MAP4: variants seen among roughly 807,000 people sequenced by gnomAD.
MAP4 encodes microtubule-associated protein 4.
Under a neutral mutation model 170.2 loss-of-function variants are expected in MAP4, and 76 were observed. The ratio of observed to expected loss-of-function variants is 0.45; its 90% CI spans 0.37 to 0.54. The LOEUF (loss-of-function observed/expected upper bound fraction) is 0.54, where lower values mean the gene tolerates loss of function less well. Ranked by LOEUF, MAP4 falls within the 20% of genes least tolerant of loss-of-function variation. The pLI is 0.00. For missense variants in MAP4, 2,506 were observed against 2,748.0 expected, an observed-to-expected ratio of 0.91 and a Z score of 1.97; for synonymous variants, 909 against 994.5, an observed-to-expected ratio of 0.91 and a Z score of 1.62.
chr3:48,001,671 T>G (rs1177285159), intron 1 of MAP4, among the ~76,000 whole-genome samples: 3 of 151,908 alleles, frequency 2.0e-5, no homozygotes, highest in African/African-American at 7.3e-5. Context: ...AGCTAATTTT[T>G]GCATTTTTAG....
At chr3:47,932,025 ACTAT>A (rs1442765735) in intron 3 of MAP4, 3 of 152,150 alleles carry the variant, frequency 2.0e-5, no homozygotes, top group Non-Finnish European at 2.9e-5. Flanking sequence ...AACCATCACC[ACTAT>A]CTAACTTCAG....
At chr3:48,029,148 A>G (rs2100114630) in intron 1 of MAP4, among the ~76,000 whole-genome samples, 2 of 151,548 alleles carry the variant, frequency 1.3e-5, no homozygotes, top group African/African-American at 4.9e-5. Flanking sequence ...CTGTCTCAAA[A>G]TTAAATAAGC....
At chr3:47,913,627 A>G (rs2100037076) in intron 8 of MAP4, among the ~76,000 whole-genome samples, 1 of 152,172 alleles carries the variant, frequency 6.6e-6, no homozygotes, top group South Asian at 2.1e-4. Flanking sequence ...ATGCCTTAAC[A>G]TGGTGTATTT....
intron 1 of MAP4, among the ~76,000 whole-genome samples, chr3:48,047,667 G>C (rs762567888): frequency 6.6e-6 from 1 of 152,198 alleles, no homozygotes; most frequent in Non-Finnish European, 1.5e-5. Context: ...CTGTCAAGTA[G>C]ACACAATTAC....
At chr3:47,977,708 T>C (rs543432255) in intron 3 of MAP4, among the ~76,000 whole-genome samples, 157 bp downstream of exon 3, 1 of 152,242 alleles carries the variant, frequency 6.6e-6, no homozygotes, top group Non-Finnish European at 1.5e-5. Flanking sequence ...AGATTTTACA[T>C]GGCAATGTCC....
chr3:47,998,417 C>T (rs1261159842), intron 2 of MAP4, among the ~76,000 whole-genome samples: 1 of 152,116 alleles, frequency 6.6e-6, no homozygotes, highest in East Asian at 1.9e-4. Flanking sequence ...GTTGTTGAAA[C>T]ATTAGAGAAG....
At chr3:48,025,606 T>C (rs2100112651) in intron 1 of MAP4, among the ~76,000 whole-genome samples, 1 of 151,798 alleles carries the variant, frequency 6.6e-6, no homozygotes. Context: ...GAAGAAATAA[T>C]ATGCTGACTT....
intron 3 of MAP4, among the ~76,000 whole-genome samples, chr3:47,955,462 AC>A (rs1205595252): frequency 2.9e-4 from 44 of 151,760 alleles, no homozygotes; most frequent in Non-Finnish European, 4.3e-4. Context: ...ACACACACAC[AC>A]ACACACACAC....
intron 2 of MAP4, among the ~76,000 whole-genome samples, chr3:47,998,238 T>A (rs995524240): frequency 2.6e-5 from 4 of 152,194 alleles, no homozygotes; most frequent in African/African-American, 9.6e-5. Flanking sequence ...GCTTTAATTA[T>A]GCTTTAATCC....
At chr3:48,038,176 G>GAA (rs397786308) in intron 1 of MAP4, among the ~76,000 whole-genome samples, 86 of 118,864 alleles carry the variant, frequency 7.2e-4, no homozygotes, top group African/African-American at 2.5e-3. Flanking sequence ...TCCAAAAAAA[G>GAA]AAAAAAAAAA....
chr3:47,897,471 T>C (rs1433049202), intron 10 of MAP4, among the ~76,000 whole-genome samples: 1 of 152,178 alleles, frequency 6.6e-6, no homozygotes, highest in Non-Finnish European at 1.5e-5. Context: ...AACTTTAATT[T>C]GGAATTATAA....
intron 2 of MAP4, among the ~76,000 whole-genome samples, chr3:47,978,666 C>T (rs1288340525): frequency 6.6e-6 from 1 of 151,738 alleles, no homozygotes; most frequent in Non-Finnish European, 1.5e-5. Context: ...ATCCAGGGTA[C>T]CATCATTGCT....
chr3:47,853,256 TG>T lies in MAP4; in HGVS notation c.6792del (p.Thr2265LeufsTer80). On this transcript the variant is annotated frameshift_variant, in exon 20 of 21. Transcript: ENST00000683076. LOFTEE classifies it high-confidence loss of function. The part of the protein sequence containing the change: ...ISEAAPEAGA[P>X]TSASGLNGHP... Reference sequence around the variant, plus strand: ...TGGCCATTGAGGCCACTGGCTGAAGTGGGGGCGCCAGCTTCAGGCGCTGCCT... The same window carrying T: ...TGGCCATTGAGGCCACTGGCTGAAGTGGGGCGCCAGCTTCAGGCGCTGCCT... 6.3e-7 allele frequency: 1 copy of T among 1,593,132 alleles called. No individual in the cohort carries two copies. Among genetic ancestry groups the T allele is most frequent in the Non-Finnish European group, 8.6e-7 (1 of 1,168,474 alleles).
chr3:47,961,388 A>G (rs2100071482), intron 3 of MAP4, among the ~76,000 whole-genome samples: 1 of 152,184 alleles, frequency 6.6e-6, no homozygotes, highest in Admixed American at 6.5e-5. Flanking sequence ...TACAATGACT[A>G]TGGGGCTGAG....
intron 10 of MAP4, among the ~76,000 whole-genome samples, chr3:47,885,222 T>C (rs984992314): frequency 2.0e-5 from 3 of 152,138 alleles, no homozygotes; most frequent in Non-Finnish European, 4.4e-5. Context: ...GCCAGGGATA[T>C]GTAGGAGACA....
Position 47,912,279 on chromosome 3 carries a change from G to A in MAP4, c.2142C>T (p.His714=). 1 of 1,536,122 alleles carries A rather than the reference G, an allele frequency of 6.5e-7. No individual in the cohort carries two copies. Among genetic ancestry groups the A allele is most frequent in the African/African-American group, 1.4e-5 (1 of 73,162 alleles). The change falls in exon 9 of 21, where the codon CAC becomes CAT. Residue 714 remains histidine, a synonymous_variant. Transcript: ENST00000683076. ...CAGACAAAGAGCAGTGGCCCAGCCT[G>A]TGATCAAGAGTCTTCCATGGAGGAG... is the stretch of plus-strand genomic sequence containing the variant. The part of the protein sequence containing the change: ...GGSPPWKTLD[H]RLGHCSLSES...
At chr3:47,913,405 C>T (rs1559434299) in intron 8 of MAP4, among the ~76,000 whole-genome samples, 1 of 152,106 alleles carries the variant, frequency 6.6e-6, no homozygotes, top group African/African-American at 2.4e-5. Flanking sequence ...ATTATTGCAT[C>T]GCTCAAAAAA....
chr3:47,880,459 A>G (rs2096520593), intron 10 of MAP4, among the ~76,000 whole-genome samples: 1 of 132,754 alleles, frequency 7.5e-6, no homozygotes, highest in African/African-American at 3.0e-5. Flanking sequence ...AATAATTCCA[A>G]TTTCAGTTTT....
At chr3:47,999,385 TA>T (rs1014647045) in intron 1 of MAP4, among the ~76,000 whole-genome samples, 25 of 143,874 alleles carry the variant, frequency 1.7e-4, no homozygotes, top group African/African-American at 1.8e-4. Context: ...CCTGCCAGCA[TA>T]AAAAAAAAAA....
Sources: allele counts gnomAD v4.1 joint callset (sites outside exome capture counted in the v4.1 genomes callset), GRCh38; gene constraint gnomAD v4.1.1; transcripts MANE v1.5; gene names NCBI Gene and HGNC (gene_info 2026-07-23, HGNC 2026-07-21).